The following COTL1 variants were observed in gnomAD, a reference collection of about 807,000 sequenced individuals.
The protein encoded by COTL1 is coactosin-like protein.
A neutral mutation model predicts 16.5 loss-of-function variants in COTL1; 15 were observed. The ratio of observed to expected loss-of-function variants is 0.91; its 90% confidence interval spans 0.61 to 1.40. The LOEUF is 1.40. COTL1 is among the 40% of genes most tolerant of loss of function. COTL1 has a pLI of 0.00. For missense variants in COTL1, 220 were observed against 201.5 expected, an observed-to-expected ratio of 1.09 and a Z score of -0.56; for synonymous variants, 112 against 85.3, an observed-to-expected ratio of 1.31 and a Z score of -1.73.
chr16:84,589,848 G>A (rs557008837), intron 3 of COTL1, among the ~76,000 whole-genome samples: 2 of 152,178 alleles, frequency 1.3e-5, no homozygotes, highest in South Asian at 2.1e-4. Flanking sequence ...CCCCACCCAC[G>A]GAGGCAGGCA....
At chr16:84,596,675 C>G (rs1597179309) in intron 2 of COTL1, 2 of 152,544 alleles carry the variant, frequency 1.3e-5, no homozygotes. Context: ...GAGCACTGAT[C>G]CCGCCTTCTA....
intron 3 of COTL1, among the ~76,000 whole-genome samples, chr16:84,581,978 C>CT (rs11332563): frequency 0.057 from 3,721 of 65,762 alleles, 158 homozygotes; most frequent in Non-Finnish European, 0.082. Flanking sequence ...TACATTTCTT[C>CT]TTTTTTTTTT....
intron 2 of COTL1, among the ~76,000 whole-genome samples, chr16:84,610,232 A>T (rs1045393798): frequency 5.3e-5 from 8 of 152,120 alleles, no homozygotes. Flanking sequence ...TAACCTGGAG[A>T]CTATGGCCAG....
chr16:84,617,600 G>A lies in COTL1; in HGVS notation c.78-17C>T. On this transcript the variant is annotated splice_polypyrimidine_tract_variant and intron_variant, in intron 1 of 3. Transcript: ENST00000262428. The stretch of plus-strand genomic sequence containing the variant: ...AAAGTCACCCTTTGGGTTGGGAGAA[G>A]AAAAAAACACACACACACATCAGCG... 6.4e-7 allele frequency: 1 copy of A among 1,551,136 alleles called. No homozygotes were observed. Among genetic ancestry groups the A allele is most frequent in the Non-Finnish European group, 8.7e-7 (1 of 1,146,086 alleles).
chr16:84,572,952 C>A (rs1904365334), intron 3 of COTL1, among the ~76,000 whole-genome samples: 2 of 144,196 alleles, frequency 1.4e-5, no homozygotes. Context: ...TGGGGTTTTA[C>A]CATGTTGCCC....
intron 3 of COTL1, chr16:84,567,867 A>G (rs1332221274): frequency 2.0e-5 from 3 of 152,226 alleles, no homozygotes; most frequent in Non-Finnish European, 1.5e-5. Flanking sequence ...TAAGACTTTA[A>G]CAAACAAAAT....
chr16:84,588,294 C>T (rs529060911), intron 3 of COTL1, among the ~76,000 whole-genome samples: 8 of 152,140 alleles, frequency 5.3e-5, no homozygotes, highest in East Asian at 1.9e-4. Context: ...AGAGGTAGCA[C>T]CGAGTTTCCA....
chr16:84,590,435 C>T lies in COTL1; in HGVS notation c.161-173G>A, dbSNP rs1424938140. The T allele has an allele frequency of 3.3e-6, 2 of 598,932 alleles. No individual in the cohort carries two copies. Among genetic ancestry groups the T allele is most frequent in the East Asian group, 6.0e-5 (2 of 33,468 alleles). The allele number at this position is 598,932 out of a possible 1,614,324, so 37.1% of individuals were successfully genotyped here. A position where few individuals can be genotyped will look rare whatever the true frequency, so the allele number is the denominator to read the frequency against. ...CAGGAGGGAAGCACTCATCCGCTGC[C>T]CTTGTCACACTCCCCTGAATCCTGG... On this transcript the variant is annotated intron_variant, in intron 2 of 3. Coordinates refer to ENST00000262428, the MANE Select transcript of COTL1 (RefSeq NM_021149.5). The surrounding 1 kb of genome is among the most constrained non-coding windows in gnomAD (Gnocchi z 5.5).
chr16:84,590,320 TC>T lies in COTL1; in HGVS notation c.161-59del. The T allele has an allele frequency of 6.3e-7, 1 of 1,579,512 alleles. No individual in the cohort carries two copies. The highest frequency in any genetic ancestry group is 1.1e-5 in the South Asian group (1 of 86,998). On this transcript the variant is annotated intron_variant, in intron 2 of 3. Transcript: ENST00000262428. The surrounding 1 kb of genome is among the most constrained non-coding windows in gnomAD (Gnocchi z 5.5). ...TGCGTTAAAACACCCCCATGTCATG[TC>T]CCTGGGGAGAGGCTGTGAGCCACGA... is the stretch of plus-strand genomic sequence containing the variant.
rs373380964 is a variant in COTL1 at position 84,574,811 on chromosome 16, G to A, written c.319-7856C>T. Among the ~76,000 whole-genome samples the A allele has an allele frequency of 7.3e-4, 111 of 151,936 alleles. 2 individuals carry two copies. The East Asian group carries it at 0.014, about 19-fold the overall frequency. On this transcript the variant is annotated intron_variant, in intron 3 of 3. Coordinates refer to ENST00000262428, the MANE Select transcript of COTL1 (RefSeq NM_021149.5). The stretch of plus-strand genomic sequence containing the variant: ...GTTGGCCAGGCTGGTCATGAATGAA[G>A]ACAAGTTTTGTCCCTGTGACCTTTC...
intron 2 of COTL1, chr16:84,616,060 A>G (rs959006100): frequency 1.3e-5 from 2 of 152,236 alleles, no homozygotes; most frequent in African/African-American, 4.8e-5. Context: ...TAGCTTGTAC[A>G]GGCACTGTTC....
intron 2 of COTL1, among the ~76,000 whole-genome samples, chr16:84,592,662 C>T (rs1341860788): frequency 6.6e-6 from 1 of 152,102 alleles, no homozygotes; most frequent in Non-Finnish European, 1.5e-5. Flanking sequence ...CTGCAGAGTC[C>T]CGCACGAAGC....
At chr16:84,602,171 GT>G (rs564871734) in intron 2 of COTL1, among the ~76,000 whole-genome samples, 38 of 150,616 alleles carry the variant, frequency 2.5e-4, no homozygotes, top group African/African-American at 8.5e-4. Flanking sequence ...AGGCTTTTCA[GT>G]TCCAAATTTG....
At chr16:84,615,478 T>C (rs1461139061) in intron 2 of COTL1, among the ~76,000 whole-genome samples, 1 of 152,060 alleles carries the variant, frequency 6.6e-6, no homozygotes, top group Non-Finnish European at 1.5e-5. Context: ...TTCTACTTGC[T>C]GGAGAGAACA....
At chr16:84,589,659 C>T (rs1351473253) in intron 3 of COTL1, among the ~76,000 whole-genome samples, 1 of 152,060 alleles carries the variant, frequency 6.6e-6, no homozygotes, top group Non-Finnish European at 1.5e-5. Flanking sequence ...TGCAAATGTC[C>T]ATTTTCTTTA....
chr16:84,570,350 C>T (rs1167890061), intron 3 of COTL1, among the ~76,000 whole-genome samples: 1 of 151,966 alleles, frequency 6.6e-6, no homozygotes, highest in Non-Finnish European at 1.5e-5. Context: ...ACAGGTCAAC[C>T]TAAAACCACA....
chr16:84,600,950 A>C (rs1189850486), intron 2 of COTL1, among the ~76,000 whole-genome samples: 2 of 152,092 alleles, frequency 1.3e-5, no homozygotes, highest in Non-Finnish European at 2.9e-5. Context: ...CTTTCATGAT[A>C]ATTCTCTACT....
chr16:84,612,274 G>A (rs550990311), intron 2 of COTL1, among the ~76,000 whole-genome samples: 10 of 151,998 alleles, frequency 6.6e-5, no homozygotes, highest in Non-Finnish European at 1.0e-4. Context: ...CCAGGCAATC[G>A]GACAAAACCC....
At chr16:84,593,304 A>C (rs529884565) in intron 2 of COTL1, among the ~76,000 whole-genome samples, 221 of 152,298 alleles carry the variant, frequency 1.5e-3, no homozygotes, top group African/African-American at 5.2e-3. Context: ...GCGCAGGTGA[A>C]TCCACAGGGC....
Sources: allele counts gnomAD v4.1 joint callset (sites outside exome capture counted in the v4.1 genomes callset), GRCh38; gene constraint gnomAD v4.1.1; non-coding constraint Gnocchi (gnomAD v3.1); transcripts MANE v1.5; gene names NCBI Gene and HGNC (gene_info 2026-07-23, HGNC 2026-07-21).